Variants in PFKM observed in about 807,000 individuals in gnomAD.
PFKM encodes the protein phosphofructokinase, muscle.
PFKM carries 58 observed loss-of-function variants against 95.5 expected under a neutral mutation model. That is an observed-to-expected ratio of 0.61 (90% confidence interval 0.49 to 0.76). The LOEUF is 0.76. PFKM is among the 30% of genes least tolerant of loss of function. The probability of loss-of-function intolerance (pLI) is 0.00; values close to 1 mark genes in which losing one functional copy is unlikely to be tolerated. For synonymous variants in PFKM, 336 were observed against 357.2 expected (o/e 0.94, Z 0.67); for missense variants, 678 against 1,005.4 (o/e 0.67, Z 4.40).
Position 48,133,346 on chromosome 12 carries a change from C to T in PFKM, c.459C>T (p.Ser153=), listed in dbSNP as rs145519821. 58 of 1,614,132 alleles carry T rather than the reference C, an allele frequency of 3.6e-5. No individual in the cohort carries two copies. In the African/African-American group the frequency reaches 7.2e-4, roughly 20 times the overall value. ...TCACAGATGAGGAGGCTACGAAGTCCAGCTACCTGAACATTGTGGGCCTGG... is the reference window on the plus strand; with the variant it reads ...TCACAGATGAGGAGGCTACGAAGTCTAGCTACCTGAACATTGTGGGCCTGG... ...GKITDEEATK[S]SYLNIVGLVG... The change falls in exon 6 of 23, where the codon TCC becomes TCT. Residue 153 remains serine, a synonymous_variant. Coordinates refer to ENST00000359794, the MANE Select transcript of PFKM (RefSeq NM_000289.6).
At chr12:48,129,711 A>T (rs922228691) in intron 2 of PFKM, among the ~76,000 whole-genome samples, 2 of 152,204 alleles carry the variant, frequency 1.3e-5, no homozygotes, top group Non-Finnish European at 2.9e-5. Context: ...TTGTGAATAA[A>T]CTGTGACTTG....
chr12:48,138,267 G>A (rs1592767639), intron 11 of PFKM, among the ~76,000 whole-genome samples: 1 of 152,154 alleles, frequency 6.6e-6, no homozygotes, highest in African/African-American at 2.4e-5. Flanking sequence ...ACCAACACGA[G>A]GTTACTAATG....
chr12:48,108,247 A>G, intron 3 of PFKM: 1 of 1,549,200 alleles, frequency 6.5e-7, no homozygotes, highest in South Asian at 1.2e-5. Context: ...TGGGAAAGTG[A>G]AAGTTGTATG....
chr12:48,133,639 A>C (rs895742467), intron 6 of PFKM, among the ~76,000 whole-genome samples, 159 bp downstream of exon 6: 13 of 152,222 alleles, frequency 8.5e-5, no homozygotes, highest in African/African-American at 3.1e-4. Flanking sequence ...TATCTAGAGC[A>C]CTGAAATTGC....
At chr12:48,141,863 C>T (rs772804527) in intron 16 of PFKM, 36 bp downstream of exon 16, 2 of 1,612,940 alleles carry the variant, frequency 1.2e-6, no homozygotes, top group South Asian at 2.2e-5. Flanking sequence ...TCTCTCCCTC[C>T]TACCTCCTCT....
chr12:48,140,381 G>T (rs1367614497), intron 13 of PFKM, among the ~76,000 whole-genome samples: 1 of 152,186 alleles, frequency 6.6e-6, no homozygotes, highest in Non-Finnish European at 1.5e-5. Context: ...GAATATGCAG[G>T]TTTAACAGGC....
chr12:48,109,483 T>C (rs1946999742), intron 3 of PFKM, among the ~76,000 whole-genome samples: 1 of 152,228 alleles, frequency 6.6e-6, no homozygotes, highest in African/African-American at 2.4e-5. Flanking sequence ...TGATGGTTTT[T>C]TCCTATTGTT....
In PFKM at chr12:48,144,967, T is replaced by C. The variant is rs1176769259; in HGVS notation, c.1993-64T>C. 3 of 1,139,372 alleles carry C rather than the reference T, an allele frequency of 2.6e-6. No homozygotes were observed. In the African/African-American group the frequency reaches 4.5e-5, roughly 17 times the overall value. The allele number at this position is 1,139,372 out of a possible 1,614,324, so 70.6% of individuals were successfully genotyped here. ...CCATCTTTCTTTTTTTCTCTGTGTG[T>C]CTAGATATCTCTGCCACTTCATTAG... is the stretch of plus-strand genomic sequence containing the variant. On this transcript the variant is annotated intron_variant, in intron 20 of 22. Coordinates refer to ENST00000359794, the MANE Select transcript of PFKM (RefSeq NM_000289.6).
At chr12:48,129,620 C>A (rs954649792) in intron 2 of PFKM, among the ~76,000 whole-genome samples, 2 of 152,066 alleles carry the variant, frequency 1.3e-5, no homozygotes, top group African/African-American at 4.8e-5. Context: ...GAACATAGAC[C>A]AACTCAAGTG....
chr12:48,111,164 T>G (rs560251715), intron 3 of PFKM, among the ~76,000 whole-genome samples: 86 of 152,340 alleles, frequency 5.6e-4, no homozygotes, highest in African/African-American at 2.0e-3. Flanking sequence ...CTCTCAAGAC[T>G]ACTTCTAGTG....
chr12:48,107,225 T>C, intron 1 of PFKM: 1 of 617,772 alleles, frequency 1.6e-6, no homozygotes, highest in Non-Finnish European at 2.9e-6. Flanking sequence ...TTATTTGTAT[T>C]GCCTCATGTG....
chr12:48,123,041 C>T (rs1565863036), intron 2 of PFKM, among the ~76,000 whole-genome samples, 182 bp downstream of exon 2: 1 of 152,180 alleles, frequency 6.6e-6, no homozygotes, highest in African/African-American at 2.4e-5. Flanking sequence ...TTTATTTACC[C>T]ACATCTTCAT....
intron 14 of PFKM, 83 bp from the exon 15 acceptor site, chr12:48,141,228 T>A: frequency 7.7e-7 from 1 of 1,292,250 alleles, no homozygotes; most frequent in Non-Finnish European, 1.1e-6. Context: ...GGGGTAGGGT[T>A]AGAACTCAAG....
chr12:48,145,205 T>C lies in PFKM; in HGVS notation c.2093-5T>C, dbSNP rs2136050932. 1 of 1,613,960 alleles carries C rather than the reference T, an allele frequency of 6.2e-7. No individual in the cohort carries two copies. Among genetic ancestry groups the C allele is most frequent in the South Asian group, 1.1e-5 (1 of 91,078 alleles). On this transcript the variant is annotated splice_polypyrimidine_tract_variant and splice_region_variant and intron_variant, in intron 21 of 22. Coordinates refer to ENST00000359794, the MANE Select transcript of PFKM (RefSeq NM_000289.6). The surrounding 1 kb of genome is among the most constrained non-coding windows in gnomAD (Gnocchi z 4.3). ...TAGAAGCTGACTGCCCATCCCTCAT[T>C]GCAGGGCGGATCTTTGCCAATACTC...
intron 2 of PFKM, among the ~76,000 whole-genome samples, chr12:48,128,884 C>T (rs1437061874): frequency 6.6e-6 from 1 of 152,106 alleles, no homozygotes; most frequent in East Asian, 1.9e-4. Flanking sequence ...AGAAGTTGAC[C>T]CTTCATGGCT....
At position 48,145,154 on chromosome 12, in the gene PFKM, C is replaced by T. The variant is rs1157911211; in HGVS notation, c.2092+24C>T. The T allele has an allele frequency of 1.9e-6, 3 of 1,609,920 alleles. No individual in the cohort carries two copies. Among genetic ancestry groups the T allele is most frequent in the Admixed American group, 1.7e-5 (1 of 59,998 alleles). ...TGGTAGGTGGGGTGAGAGCGAGTGC[C>T]CTCTATAGAGGCTGGTTCCCCAGTA... On this transcript the variant is annotated intron_variant, in intron 21 of 22. Coordinates refer to ENST00000359794, the MANE Select transcript of PFKM (RefSeq NM_000289.6). The surrounding 1 kb of genome is among the most constrained non-coding windows in gnomAD (Gnocchi z 4.3).
chr12:48,116,229 C>T (rs936744731), upstream of PFKM, among the ~76,000 whole-genome samples: 7 of 148,742 alleles, frequency 4.7e-5, no homozygotes, highest in Non-Finnish European at 7.4e-5. Context: ...TCCTTCCTTC[C>T]TTCCCTCCCC....
In PFKM at chr12:48,129,210, CTTTTTTTTTTTTTTTTTTTTT is replaced by C. The variant is rs778761447; in HGVS notation, c.86-1140_86-1120del. ...GTTCTGTTTTGTTTTAATTTTCTTT[CTTTTTTTTTTTTTTTTTTTTT>C]TTTTTTTTTTTTACAGATGGAGTCT... is the stretch of plus-strand genomic sequence containing the variant. On this transcript the variant is annotated intron_variant, in intron 2 of 22. Transcript: ENST00000359794. 2.5e-3 allele frequency among the ~76,000 whole-genome samples: 54 copies of C among 22,000 alleles called. 3 individuals are homozygous for C. In the East Asian group the frequency reaches 0.11, roughly 43 times the overall value. The allele number at this position is 22,000 out of a possible 152,430, so 14.4% of individuals were successfully genotyped here. A position where few individuals can be genotyped will look rare whatever the true frequency, so the allele number is the denominator to read the frequency against.
intron 1 of PFKM, among the ~76,000 whole-genome samples, chr12:48,121,337 G>A (rs1401165981): frequency 6.6e-6 from 1 of 152,228 alleles, no homozygotes; most frequent in Non-Finnish European, 1.5e-5. Flanking sequence ...AACAGTTGAA[G>A]CTATATGCAA....
Sources: gnomAD v4.1 joint callset for allele counts (sites outside exome capture counted in the v4.1 genomes callset) on GRCh38, gnomAD v4.1.1 for gene constraint, Gnocchi (gnomAD v3.1) non-coding constraint, MANE v1.5 for transcripts, NCBI Gene and HGNC (gene_info 2026-07-23, HGNC 2026-07-21) for gene names.